Variants in LMBR1 observed in about 807,000 individuals in gnomAD.
LMBR1 encodes limb region 1 protein homolog.
Under a neutral mutation model 73.9 loss-of-function variants are expected in LMBR1, and 52 were observed. The ratio of observed to expected loss-of-function variants is 0.70; its 90% CI spans 0.56 to 0.89. The LOEUF (loss-of-function observed/expected upper bound fraction) is 0.89, where lower values mean the gene tolerates loss of function less well. Ranked by LOEUF, LMBR1 falls within the 40% of genes least tolerant of loss-of-function variation. The pLI, the probability that LMBR1 is intolerant of heterozygous loss-of-function variation, is 0.00. For synonymous variants in LMBR1, 215 were observed against 209.4 expected (o/e 1.03, Z -0.23); for missense variants, 539 against 579.8 (o/e 0.93, Z 0.72).
intron 1 of LMBR1, among the ~76,000 whole-genome samples, chr7:156,841,864 G>A (rs745836298): frequency 4.6e-5 from 7 of 152,066 alleles, no homozygotes; most frequent in South Asian, 2.1e-4. Context: ...GGATTGTGAC[G>A]TGTTTTTTTA....
At position 156,754,351 on chromosome 7, in the gene LMBR1, C is replaced by T. The variant is rs117676200; in HGVS notation, c.757+2042G>A. On this transcript the variant is annotated intron_variant, in intron 9 of 16. Coordinates refer to ENST00000353442, the MANE Select transcript of LMBR1 (RefSeq NM_022458.4). Reference sequence around the variant, plus strand: ...TATCATAACTACCACAATAACTCAACGTTACTTTTTAAAAAAAATACTGTT... The same window carrying T: ...TATCATAACTACCACAATAACTCAATGTTACTTTTTAAAAAAAATACTGTT... 1.8e-3 allele frequency among the ~76,000 whole-genome samples: 279 copies of T among 152,236 alleles called. No homozygotes were observed. The Middle Eastern group carries it at 0.02, about 11-fold the overall frequency.
At chr7:156,783,406 T>C (rs1827499977) in intron 5 of LMBR1, among the ~76,000 whole-genome samples, 2 of 152,104 alleles carry the variant, frequency 1.3e-5, no homozygotes, top group Admixed American at 1.3e-4. Flanking sequence ...CTCGAACTCC[T>C]GGCCTCCTGC....
intron 5 of LMBR1, among the ~76,000 whole-genome samples, chr7:156,789,807 G>A (rs1377992220): frequency 6.6e-6 from 1 of 152,138 alleles, no homozygotes; most frequent in African/African-American, 2.4e-5. Flanking sequence ...AACCAAGGGT[G>A]AGTAGTTTTC....
In LMBR1 at chr7:156,811,604, G is replaced by A. The variant is rs571888538; in HGVS notation, c.319+15001C>T. Among the ~76,000 whole-genome samples the A allele has an allele frequency of 1.7e-3, 214 of 128,782 alleles. 1 individual carries two copies. The highest frequency in any genetic ancestry group is 5.1e-3 in the African/African-American group (179 of 34,814). The allele number at this position is 128,782 out of a possible 152,430, so 84.5% of individuals were successfully genotyped here. On this transcript the variant is annotated intron_variant, in intron 4 of 16. Transcript: ENST00000353442. ...AGCCTGGGCGACAGAGTCAGACTCCGTCTCAAAAAAAAAAAAGAATTGTTT... is the reference window on the plus strand; with the variant it reads ...AGCCTGGGCGACAGAGTCAGACTCCATCTCAAAAAAAAAAAAGAATTGTTT...
chr7:156,769,813 C>T lies in LMBR1; in HGVS notation c.424-6018G>A, dbSNP rs183414258. 3.3e-4 allele frequency among the ~76,000 whole-genome samples: 50 copies of T among 152,290 alleles called. No homozygotes were observed. In the East Asian group the frequency reaches 4.0e-3, roughly 12 times the overall value. ...TGGGGAATCCACTGTTTTCACAGCA[C>T]GTGGTAATAAGCCAGGCTGCTCTGT... On this transcript the variant is annotated intron_variant, in intron 5 of 16. Transcript: ENST00000353442.
intron 1 of LMBR1, among the ~76,000 whole-genome samples, chr7:156,886,272 T>C (rs768539681): frequency 5.9e-5 from 9 of 152,146 alleles, no homozygotes; most frequent in Non-Finnish European, 1.0e-4. Flanking sequence ...CAAGGGAGGA[T>C]AGAACAGGGA....
intron 1 of LMBR1, among the ~76,000 whole-genome samples, chr7:156,841,898 A>C (rs1838768299): frequency 6.6e-6 from 1 of 152,210 alleles, no homozygotes; most frequent in African/African-American, 2.4e-5. Flanking sequence ...ATTACAAATG[A>C]TTATATGAAT....
chr7:156,723,681 C>T (rs574547056), intron 15 of LMBR1, among the ~76,000 whole-genome samples: 33 of 152,162 alleles, frequency 2.2e-4, no homozygotes, highest in African/African-American at 7.0e-4. Flanking sequence ...GATTACACTG[C>T]GTTCACCTCT....
intron 15 of LMBR1, among the ~76,000 whole-genome samples, chr7:156,718,386 T>A (rs1813701008): frequency 2.1e-5 from 3 of 142,326 alleles, no homozygotes; most frequent in African/African-American, 5.3e-5. Flanking sequence ...AGCAACAGAG[T>A]GAGAATCCAT....
chr7:156,792,841 G>A (rs1273707026), intron 5 of LMBR1, among the ~76,000 whole-genome samples: 1 of 151,702 alleles, frequency 6.6e-6, no homozygotes, highest in Non-Finnish European at 1.5e-5. Flanking sequence ...CATGGGAGTA[G>A]AGTGGGGCCA....
chr7:156,731,992 C>T (rs1053943083), intron 10 of LMBR1, among the ~76,000 whole-genome samples: 32 of 151,018 alleles, frequency 2.1e-4, no homozygotes, highest in African/African-American at 7.8e-4. Context: ...TTTGTAACAG[C>T]AAAAAACTAG....
At chr7:156,764,949 G>C (rs1409844649) in intron 5 of LMBR1, among the ~76,000 whole-genome samples, 1 of 152,214 alleles carries the variant, frequency 6.6e-6, no homozygotes, top group Non-Finnish European at 1.5e-5. Context: ...CATTTGGCAA[G>C]TTTAAAACAC....
At chr7:156,869,366 T>A (rs1472861346) in intron 1 of LMBR1, among the ~76,000 whole-genome samples, 2 of 152,192 alleles carry the variant, frequency 1.3e-5, no homozygotes, top group African/African-American at 4.8e-5. Context: ...TCTTATTGCA[T>A]AACTTTTGCT....
chr7:156,766,503 A>T (rs1465597691), intron 5 of LMBR1, among the ~76,000 whole-genome samples: 1 of 152,128 alleles, frequency 6.6e-6, no homozygotes, highest in Non-Finnish European at 1.5e-5. Flanking sequence ...TGAAACTCGG[A>T]GACTAACTTG....
intron 9 of LMBR1, among the ~76,000 whole-genome samples, chr7:156,741,866 G>T (rs1040093192): frequency 6.6e-6 from 1 of 152,054 alleles, no homozygotes; most frequent in African/African-American, 2.4e-5. Context: ...CTCAGCACAA[G>T]GATCATTCTC....
At chr7:156,813,702 G>A (rs988101385) in intron 4 of LMBR1, among the ~76,000 whole-genome samples, 4 of 151,850 alleles carry the variant, frequency 2.6e-5, no homozygotes, top group African/African-American at 7.3e-5. Context: ...TATGTTCTTT[G>A]ATACACTCAG....
chr7:156,689,200 T>A (rs189438306), intron 15 of LMBR1, among the ~76,000 whole-genome samples: 47 of 152,258 alleles, frequency 3.1e-4, no homozygotes, highest in African/African-American at 8.2e-4. Context: ...ATAAATCACA[T>A]CATTCAGGTG....
At chr7:156,867,049 A>C (rs1224409851) in intron 1 of LMBR1, among the ~76,000 whole-genome samples, 1 of 152,230 alleles carries the variant, frequency 6.6e-6, no homozygotes, top group Non-Finnish European at 1.5e-5. Context: ...AAATTATATA[A>C]AGAATTCTTA....
chr7:156,791,260 T>C (rs1313890360), intron 5 of LMBR1, among the ~76,000 whole-genome samples: 1 of 152,198 alleles, frequency 6.6e-6, no homozygotes, highest in East Asian at 1.9e-4. Flanking sequence ...AATATGCGCA[T>C]GTGCCACTAA....
Sources: gnomAD v4.1 joint callset for allele counts (sites outside exome capture counted in the v4.1 genomes callset) on GRCh38, gnomAD v4.1.1 for gene constraint, MANE v1.5 for transcripts, NCBI Gene and HGNC (gene_info 2026-07-23, HGNC 2026-07-21) for gene names.